SGK1: variants seen among roughly 807,000 people sequenced by gnomAD.
SGK1 encodes the protein serine/threonine-protein kinase Sgk1.
A neutral mutation model predicts 64.2 loss-of-function variants in SGK1; 26 were observed. The observed-to-expected ratio is 0.40, with a 90% CI of 0.30 to 0.56. The LOEUF (loss-of-function observed/expected upper bound fraction) is 0.56, where lower values mean the gene tolerates loss of function less well. Among genes scored for constraint, SGK1 ranks in the 20% least tolerant of loss-of-function variants. The pLI is 0.38. For missense variants in SGK1, 519 were observed against 645.6 expected (o/e 0.80, Z 2.12); for synonymous variants, 265 against 239.7 (o/e 1.11, Z -0.98).
chr6:134,261,045 A>G (rs1022004097), intron 2 of SGK1: 2 of 152,204 alleles, frequency 1.3e-5, no homozygotes, highest in Non-Finnish European at 2.9e-5. Flanking sequence ...TAAAAATATA[A>G]TCTTAAATTT....
chr6:134,288,080 T>C (rs1777212931), intron 1 of SGK1, among the ~76,000 whole-genome samples: 1 of 152,164 alleles, frequency 6.6e-6, no homozygotes, highest in South Asian at 2.1e-4. Flanking sequence ...GGGCTAAACA[T>C]GACTCAGACC....
chr6:134,316,291 G>A (rs760147728), intron 1 of SGK1, among the ~76,000 whole-genome samples: 22 of 152,124 alleles, frequency 1.4e-4, no homozygotes, highest in Admixed American at 2.6e-4. Context: ...TGTGTTCTGC[G>A]GATGAGTTAA....
chr6:134,262,180 T>C (rs1210242830), intron 1 of SGK1, 32 bp from the exon 2 acceptor site: 1 of 1,454,372 alleles, frequency 6.9e-7, no homozygotes, highest in East Asian at 2.3e-5. Flanking sequence ...AAAAAACAAA[T>C]GTGTTTGACT....
intron 2 of SGK1, among the ~76,000 whole-genome samples, chr6:134,209,783 T>C (rs985313522): frequency 6.6e-6 from 1 of 152,160 alleles, no homozygotes; most frequent in Non-Finnish European, 1.5e-5. Flanking sequence ...TTCAAGTGAT[T>C]CTCCTGCTTC....
chr6:134,221,324 T>G (rs1349211469), intron 2 of SGK1, among the ~76,000 whole-genome samples: 2 of 152,022 alleles, frequency 1.3e-5, no homozygotes, highest in Non-Finnish European at 2.9e-5. Context: ...AAAGAAAAAG[T>G]TTGCTTTATC....
At position 134,172,863 on chromosome 6, in the gene SGK1, G is replaced by A. The variant is rs1027748304; in HGVS notation, c.835-89C>T. On this transcript the variant is annotated intron_variant, in intron 8 of 13. Coordinates refer to ENST00000367858, the MANE Select transcript of SGK1 (RefSeq NM_001143676.3). Reference sequence around the variant, plus strand: ...AGCAAAAGAACAACTGCAGGAAGTGGCCCCAAGTAATCTATTAACTATAAA... The same window carrying A: ...AGCAAAAGAACAACTGCAGGAAGTGACCCCAAGTAATCTATTAACTATAAA... The A allele has an allele frequency of 5.0e-6, 6 of 1,208,122 alleles. No individual in the cohort carries two copies. The Admixed American group carries it at 6.9e-5, about 14-fold the overall frequency. The allele number at this position is 1,208,122 out of a possible 1,614,324, so 74.8% of individuals were successfully genotyped here.
chr6:134,227,591 A>G (rs1000402709), intron 2 of SGK1, among the ~76,000 whole-genome samples: 4 of 152,268 alleles, frequency 2.6e-5, no homozygotes, highest in Non-Finnish European at 1.5e-5. Context: ...GATTACACCT[A>G]AAGCCAAGAA....
At chr6:134,221,623 G>A (rs1776091563) in intron 2 of SGK1, among the ~76,000 whole-genome samples, 1 of 151,198 alleles carries the variant, frequency 6.6e-6, no homozygotes, top group Non-Finnish European at 1.5e-5. Context: ...TAAATTTCAT[G>A]AGTCCTAAAC....
At chr6:134,211,625 A>G (rs1775891070) in intron 2 of SGK1, 2 of 152,164 alleles carry the variant, frequency 1.3e-5, no homozygotes, top group Non-Finnish European at 2.9e-5. Flanking sequence ...TAGATTACCA[A>G]AATCATCCAC....
chr6:134,266,923 C>A (rs1173878220), intron 1 of SGK1, among the ~76,000 whole-genome samples: 1 of 152,122 alleles, frequency 6.6e-6, no homozygotes, highest in Non-Finnish European at 1.5e-5. Context: ...GGTAACTGTT[C>A]TTGCTTTGTC....
intron 2 of SGK1, among the ~76,000 whole-genome samples, chr6:134,226,491 G>A (rs1776182237): frequency 6.6e-6 from 1 of 151,904 alleles, no homozygotes; most frequent in South Asian, 2.1e-4. Context: ...TGGAGTTTGA[G>A]ACCAGTCTGG....
intron 1 of SGK1, among the ~76,000 whole-genome samples, chr6:134,276,765 G>C (rs898905082): frequency 6.6e-6 from 1 of 152,114 alleles, no homozygotes; most frequent in South Asian, 2.1e-4. Context: ...TAAAAATGCA[G>C]GCTCAGCTGT....
rs949356453 is a variant in SGK1 at position 134,170,029 on chromosome 6, C to T, written c.*239G>A. The T allele has an allele frequency of 2.8e-5, 9 of 323,996 alleles. No individual in the cohort carries two copies. In the East Asian group the frequency reaches 3.5e-4, roughly 12 times the overall value. The allele number at this position is 323,996 out of a possible 1,614,324, so 20.1% of individuals were successfully genotyped here. A position where few individuals can be genotyped will look rare whatever the true frequency, so the allele number is the denominator to read the frequency against. ...CCGTCTAAGGCGGCACTCTAACGCTCGTTTCAGAGATAGCACCACGTTGGA... is the reference window on the plus strand; with the variant it reads ...CCGTCTAAGGCGGCACTCTAACGCTTGTTTCAGAGATAGCACCACGTTGGA... On this transcript the variant is annotated 3_prime_UTR_variant, in exon 14 of 14. Transcript: ENST00000367858.
At chr6:134,285,836 G>A (rs1206430151) in intron 1 of SGK1, among the ~76,000 whole-genome samples, 1 of 151,932 alleles carries the variant, frequency 6.6e-6, no homozygotes, top group Non-Finnish European at 1.5e-5. Context: ...TTTTTTAAGG[G>A]ATAAAAAGAT....
intron 3 of SGK1, among the ~76,000 whole-genome samples, chr6:134,183,632 C>G (rs1412447010): frequency 1.3e-5 from 2 of 152,098 alleles, no homozygotes; most frequent in Non-Finnish European, 2.9e-5. Context: ...CATTAAAGTA[C>G]AGCCTTGGGC....
intron 2 of SGK1, among the ~76,000 whole-genome samples, chr6:134,210,114 T>A (rs1775864435): frequency 6.6e-6 from 1 of 152,230 alleles, no homozygotes; most frequent in Admixed American, 6.5e-5. Context: ...ACTTCCATGT[T>A]CATTACAACT....
At chr6:134,172,132 T>C (rs1377487045) in intron 10 of SGK1, 61 bp downstream of exon 10, 6 of 1,591,526 alleles carry the variant, frequency 3.8e-6, no homozygotes, top group Middle Eastern at 1.7e-4. Context: ...AAGTGCATGA[T>C]TGTACATCTC....
intron 3 of SGK1, among the ~76,000 whole-genome samples, chr6:134,182,258 T>C (rs1775343074): frequency 2.6e-5 from 4 of 151,864 alleles, no homozygotes; most frequent in African/African-American, 9.7e-5. Flanking sequence ...TGAAAAATAA[T>C]GGAAATAGGC....
At chr6:134,257,838 G>A (rs1286714807) in intron 2 of SGK1, among the ~76,000 whole-genome samples, 3 of 152,100 alleles carry the variant, frequency 2.0e-5, no homozygotes, top group Non-Finnish European at 4.4e-5. Flanking sequence ...CAAAACTACT[G>A]GAAAGAAACC....
Sources: allele counts gnomAD v4.1 joint callset (sites outside exome capture counted in the v4.1 genomes callset), GRCh38; gene constraint gnomAD v4.1.1; transcripts MANE v1.5; gene names NCBI Gene and HGNC (gene_info 2026-07-23, HGNC 2026-07-21).